The following CHEK1 variants were observed in gnomAD, a reference collection of about 807,000 sequenced individuals.
The protein encoded by CHEK1 is checkpoint kinase 1.
In CHEK1, 32 loss-of-function variants were observed where a neutral mutation model predicts 60.2. The observed-to-expected ratio is 0.53, with a 90% confidence interval of 0.40 to 0.71. CHEK1 has a LOEUF of 0.71. CHEK1 is among the 30% of genes least tolerant of loss of function. The pLI, the probability that CHEK1 is intolerant of heterozygous loss-of-function variation, is 0.00. For synonymous variants in CHEK1, 179 were observed against 187.2 expected (o/e 0.96, Z 0.36); for missense variants, 399 against 564.6 (o/e 0.71, Z 2.97).
At chr11:125,652,959 C>G (rs986433940) in intron 11 of CHEK1, among the ~76,000 whole-genome samples, 3 of 152,034 alleles carry the variant, frequency 2.0e-5, no homozygotes, top group Non-Finnish European at 1.5e-5. Context: ...CTCTATCTTT[C>G]CCTTCCCTCT....
chr11:125,672,723 A>G lies in CHEK1; in HGVS notation c.*28-3205A>G, dbSNP rs755855047. On this transcript the variant is annotated intron_variant, in intron 13 of 13. Coordinates refer to the CHEK1 transcript ENST00000428830. ...CATGAATTGGAGTTTTCCACCTGAA[A>G]GGAGCAGAGACAGACTAGTGAGCAG... The G allele has an allele frequency of 6.2e-6, 10 of 1,614,058 alleles. No homozygotes were observed. In the South Asian group the frequency reaches 1.1e-4, roughly 18 times the overall value.
At chr11:125,676,687 T>C (rs1303891708), downstream of CHEK1, among the ~76,000 whole-genome samples, 2 of 151,852 alleles carry the variant, frequency 1.3e-5, no homozygotes, top group African/African-American at 4.8e-5. Flanking sequence ...TCATTGCTGA[T>C]GAATCCCAAA....
intron 13 of CHEK1, among the ~76,000 whole-genome samples, chr11:125,668,321 GC>G: frequency 6.6e-6 from 1 of 152,226 alleles, no homozygotes. Context: ...ATACAGACCA[GC>G]TATTTTGTAT....
chr11:125,668,395 C>A (rs911497008), intron 13 of CHEK1, among the ~76,000 whole-genome samples: 1 of 152,122 alleles, frequency 6.6e-6, no homozygotes, highest in Non-Finnish European at 1.5e-5. Context: ...TATGCATTTT[C>A]ACAAGACCAC....
At chr11:125,658,187 G>C (rs1591425553), downstream of CHEK1, among the ~76,000 whole-genome samples, 3 of 152,084 alleles carry the variant, frequency 2.0e-5, no homozygotes, top group Admixed American at 2.0e-4. Context: ...TCCTGCCTCA[G>C]CCTCCCAAGT....
downstream of CHEK1, among the ~76,000 whole-genome samples, chr11:125,659,539 AT>A (rs1941976542): frequency 6.6e-6 from 1 of 151,840 alleles, no homozygotes; most frequent in African/African-American, 2.4e-5. Context: ...TCCAGCTCAA[AT>A]TTTTTTCTAA....
chr11:125,678,318 A>T (rs1194301324), downstream of CHEK1: 2 of 1,609,084 alleles, frequency 1.2e-6, no homozygotes, highest in Non-Finnish European at 1.7e-6. Flanking sequence ...GAAGGAACAG[A>T]AGAGAGTTGG....
rs1940932755 is a variant in CHEK1, at chr11:125,633,158, T to C, written c.425-5T>C. ...TCAGTGTCATCTTTTTTTCTTTTGGTTTAGATAACCTCAAAATCTCAGACT... is the reference window on the plus strand; with the variant it reads ...TCAGTGTCATCTTTTTTTCTTTTGGCTTAGATAACCTCAAAATCTCAGACT... On this transcript the variant is annotated splice_region_variant and splice_polypyrimidine_tract_variant and intron_variant, in intron 5 of 12. Transcript: ENST00000438015. The C allele has an allele frequency of 1.3e-6, 2 of 1,568,232 alleles. No individual in the cohort carries two copies. The highest frequency in any genetic ancestry group is 4.7e-5 in the East Asian group (2 of 42,692).
Position 125,627,050 on chromosome 11 carries a change from T to C in CHEK1, c.65+217T>C, listed in dbSNP as rs3731397. Among the ~76,000 whole-genome samples the C allele has an allele frequency of 9.2e-3, 1,401 of 152,330 alleles. 22 individuals carry two copies. The highest frequency in any genetic ancestry group is 0.03 in the African/African-American group (1,251 of 41,572). On this transcript the variant is annotated intron_variant, in intron 2 of 12. Transcript: ENST00000438015. The stretch of plus-strand genomic sequence containing the variant: ...AAGGGACACGAAGTTATTGTTTCCA[T>C]GCCCACAAATTGCTTCTCAGGGTTT...
intron 11 of CHEK1, among the ~76,000 whole-genome samples, chr11:125,646,048 G>C (rs1364352700): frequency 6.6e-6 from 1 of 151,978 alleles, no homozygotes; most frequent in East Asian, 1.9e-4. Context: ...ATATTCACAA[G>C]GTTGTGCAAC....
chr11:125,635,957 T>A (rs1236988575), intron 7 of CHEK1: 1 of 153,630 alleles, frequency 6.5e-6, no homozygotes, highest in East Asian at 1.9e-4. Context: ...AAATCTAGGC[T>A]ATTTGGTATA....
At chr11:125,645,916 G>A (rs1044537629) in intron 11 of CHEK1, among the ~76,000 whole-genome samples, 1 of 151,356 alleles carries the variant, frequency 6.6e-6, no homozygotes, top group South Asian at 2.1e-4. Flanking sequence ...AGGTCAGCCT[G>A]ATAGTCTTCT....
downstream of CHEK1, among the ~76,000 whole-genome samples, chr11:125,680,040 C>A (rs932928165): frequency 1.3e-5 from 2 of 152,212 alleles, no homozygotes; most frequent in Non-Finnish European, 2.9e-5. Context: ...CTGGCACATA[C>A]TATCACCTGG....
intron 8 of CHEK1, among the ~76,000 whole-genome samples, chr11:125,638,916 G>C (rs908785192): frequency 3.3e-5 from 5 of 152,206 alleles, no homozygotes; most frequent in Non-Finnish European, 7.4e-5. Flanking sequence ...ACGCTGCACT[G>C]ATCACCAGTA....
chr11:125,672,453 G>T lies in CHEK1; in HGVS notation c.*28-3475G>T, dbSNP rs879098409. On this transcript the variant is annotated intron_variant, in intron 13 of 13. Coordinates refer to the CHEK1 transcript ENST00000428830. ...AGCATGAATAGAAGAAGAAAGATAGGATGTTTGAGCATCCTAATGCTCAGG... is the reference window on the plus strand; with the variant it reads ...AGCATGAATAGAAGAAGAAAGATAGTATGTTTGAGCATCCTAATGCTCAGG... The T allele has an allele frequency of 7.6e-6, 7 of 923,806 alleles. No individual in the cohort carries two copies. The Admixed American group carries it at 1.4e-4, about 19-fold the overall frequency. 57.2% of individuals were successfully genotyped at this position (923,806 alleles called of 1,614,324 possible). A position where few individuals can be genotyped will look rare whatever the true frequency, so the allele number is the denominator to read the frequency against.
In CHEK1 at chr11:125,628,583, G is replaced by A. The variant is rs1368349067; in HGVS notation, c.290-649G>A. 2.6e-5 allele frequency among the ~76,000 whole-genome samples: 4 copies of A among 152,224 alleles called. No individual in the cohort carries two copies. The East Asian group carries it at 7.7e-4, about 29-fold the overall frequency. On this transcript the variant is annotated intron_variant, in intron 3 of 12. Coordinates refer to ENST00000438015, the MANE Select transcript of CHEK1 (RefSeq NM_001114122.3). The stretch of plus-strand genomic sequence containing the variant: ...TTTCATAATAAAACTGTTTCACGAA[G>A]GACCTCACAGGCATTTGTGGTTTTG...
chr11:125,674,738 AC>A (rs1276687668), intron 13 of CHEK1, among the ~76,000 whole-genome samples: 2 of 152,184 alleles, frequency 1.3e-5, no homozygotes, highest in African/African-American at 2.4e-5. Context: ...GCAAGCTCCT[AC>A]TTTGTGAGGA....
chr11:125,636,221 C>G (rs1941069867), intron 7 of CHEK1: 1 of 152,092 alleles, frequency 6.6e-6, no homozygotes, highest in Non-Finnish European at 1.5e-5. Flanking sequence ...TGAGATCACA[C>G]TAATAATATT....
rs900436264 is a variant in CHEK1 at position 125,664,853 on chromosome 11, G to A, written c.*27+9506G>A. The stretch of plus-strand genomic sequence containing the variant: ...CACAGAAAAACCTTTGCCCAGACCC[G>A]TGTGTCCTCTTAGTGTTTTCCAAAT... On this transcript the variant is annotated intron_variant, in intron 13 of 13. Coordinates refer to the CHEK1 transcript ENST00000428830. Among the ~76,000 whole-genome samples the A allele has an allele frequency of 2.6e-5, 4 of 152,050 alleles. No individual in the cohort carries two copies. In the East Asian group the frequency reaches 7.7e-4, roughly 29 times the overall value.
Sources: gnomAD v4.1 joint callset for allele counts (sites outside exome capture counted in the v4.1 genomes callset) on GRCh38, gnomAD v4.1.1 for gene constraint, MANE v1.5 for transcripts, NCBI Gene and HGNC (gene_info 2026-07-23, HGNC 2026-07-21) for gene names.